The following MCC variants were observed in gnomAD, a reference collection of about 807,000 sequenced individuals.
MCC encodes the protein colorectal mutant cancer protein.
Under a neutral mutation model 116.2 loss-of-function variants are expected in MCC, and 90 were observed. The observed-to-expected ratio is 0.77, with a 90% CI of 0.65 to 0.92. The LOEUF is 0.92. MCC is among the 40% of genes least tolerant of loss of function. The pLI is 0.00. For missense variants in MCC, 1,516 were observed against 1,312.2 expected (o/e 1.16, Z -2.40); for synonymous variants, 578 against 510.5 (o/e 1.13, Z -1.78).
intron 1 of MCC, among the ~76,000 whole-genome samples, chr5:113,422,904 G>T (rs1009818194): frequency 3.3e-5 from 5 of 152,140 alleles, no homozygotes; most frequent in African/African-American, 9.7e-5. Flanking sequence ...AAGGATAAAA[G>T]AATAAAAAAG....
intron 5 of MCC, among the ~76,000 whole-genome samples, chr5:113,129,812 G>C (rs566630774): frequency 2.0e-5 from 3 of 152,216 alleles, no homozygotes; most frequent in Admixed American, 6.5e-5. Context: ...TTAGAATGGC[G>C]ATCATTAAAA....
At chr5:113,292,047 T>C (rs942275891) in intron 3 of MCC, among the ~76,000 whole-genome samples, 34 of 152,228 alleles carry the variant, frequency 2.2e-4, no homozygotes, top group African/African-American at 7.7e-4. Flanking sequence ...CTGGCCAACA[T>C]AGCGAAACCT....
chr5:113,088,627 A>G (rs1360588239), intron 8 of MCC, among the ~76,000 whole-genome samples: 1 of 152,062 alleles, frequency 6.6e-6, no homozygotes, highest in Non-Finnish European at 1.5e-5. Context: ...AGGTCCTGTG[A>G]AGATGAAAGC....
intron 1 of MCC, among the ~76,000 whole-genome samples, chr5:113,455,162 C>T (rs1308461512): frequency 6.6e-6 from 1 of 152,218 alleles, no homozygotes; most frequent in Admixed American, 6.5e-5. Context: ...GCTGATGCCC[C>T]ATTCCTGGTC....
chr5:113,400,222 A>C (rs992766695), intron 1 of MCC, among the ~76,000 whole-genome samples: 2 of 140,976 alleles, frequency 1.4e-5, no homozygotes, highest in African/African-American at 5.5e-5. Flanking sequence ...TCCCGGGTTC[A>C]AGTGATTCTC....
intron 1 of MCC, among the ~76,000 whole-genome samples, chr5:113,456,990 TCA>T (rs1771570937): frequency 1.3e-5 from 2 of 152,184 alleles, no homozygotes; most frequent in African/African-American, 4.8e-5. Context: ...CTGGCAGTCC[TCA>T]CAGCCCTGGC....
intron 3 of MCC, among the ~76,000 whole-genome samples, chr5:113,215,057 C>A (rs1246184541): frequency 6.6e-6 from 1 of 152,172 alleles, no homozygotes; most frequent in East Asian, 1.9e-4. Flanking sequence ...CAATCCTCAT[C>A]TCTCCCACCA....
intron 2 of MCC, among the ~76,000 whole-genome samples, chr5:113,368,767 T>C (rs1768765386): frequency 6.6e-6 from 1 of 152,150 alleles, no homozygotes; most frequent in African/African-American, 2.4e-5. Context: ...TCAATTCAAT[T>C]CTTATACTAT....
intron 1 of MCC, 39 bp from the exon 2 acceptor site, chr5:113,385,251 T>C (rs1172352198): frequency 1.3e-6 from 2 of 1,593,874 alleles, no homozygotes; most frequent in South Asian, 1.1e-5. Context: ...GTGTTATGAG[T>C]GACATTTAAG....
At chr5:113,263,118 G>A (rs563539850) in intron 3 of MCC, among the ~76,000 whole-genome samples, 1 of 152,284 alleles carries the variant, frequency 6.6e-6, no homozygotes, top group Admixed American at 6.5e-5. Flanking sequence ...TATAGAGAGG[G>A]AACGTTCAAG....
chr5:113,405,233 T>G (rs923239347), intron 1 of MCC, among the ~76,000 whole-genome samples: 6 of 152,216 alleles, frequency 3.9e-5, no homozygotes, highest in African/African-American at 1.4e-4. Context: ...TTATTCCAGT[T>G]ATTATCCTGT....
rs533799632 is a variant in MCC at position 113,156,898 on chromosome 5, A to T, written c.628-5476T>A. ...TTGAGTAAAATAATTTCACTGTTCA[A>T]CTGACTCTAAGGACAAGCCCTCTTA... On this transcript the variant is annotated intron_variant, in intron 3 of 18. Transcript: ENST00000408903. Among the ~76,000 whole-genome samples the T allele has an allele frequency of 5.9e-5, 9 of 152,284 alleles. No homozygotes were observed. In the South Asian group the frequency reaches 1.9e-3, roughly 32 times the overall value.
At chr5:113,304,677 G>A (rs1342261798) in intron 3 of MCC, among the ~76,000 whole-genome samples, 2 of 151,922 alleles carry the variant, frequency 1.3e-5, no homozygotes, top group Admixed American at 6.6e-5. Context: ...TTGCTCATTT[G>A]TTCTCCAAAT....
At chr5:113,348,617 A>C (rs535804242) in intron 2 of MCC, among the ~76,000 whole-genome samples, 2 of 152,070 alleles carry the variant, frequency 1.3e-5, no homozygotes, top group East Asian at 3.9e-4. Context: ...AAGTAGAAAA[A>C]CAAATAAACA....
chr5:113,159,626 G>A (rs758670945), intron 3 of MCC, among the ~76,000 whole-genome samples: 2 of 152,164 alleles, frequency 1.3e-5, no homozygotes, highest in Admixed American at 6.5e-5. Context: ...AGAAACATCT[G>A]CACATGAAAA....
chr5:113,144,496 G>A (rs555900762), intron 4 of MCC, among the ~76,000 whole-genome samples: 14 of 152,328 alleles, frequency 9.2e-5, no homozygotes, highest in African/African-American at 3.4e-4. Context: ...TCCAGTGAGA[G>A]TAGGACTTCT....
intron 2 of MCC, among the ~76,000 whole-genome samples, chr5:113,362,978 C>T (rs1768584330): frequency 1.3e-5 from 2 of 151,944 alleles, no homozygotes; most frequent in African/African-American, 2.4e-5. Context: ...CATTCTTGCA[C>T]TGCTATTAAA....
chr5:113,406,881 G>A (rs973164604), intron 1 of MCC, among the ~76,000 whole-genome samples: 3 of 152,154 alleles, frequency 2.0e-5, no homozygotes, highest in Admixed American at 6.5e-5. Context: ...GTGGGAGCAA[G>A]TGCCATCCTT....
intron 2 of MCC, among the ~76,000 whole-genome samples, chr5:113,376,031 T>C (rs1201653901): frequency 6.6e-6 from 1 of 152,186 alleles, no homozygotes; most frequent in Non-Finnish European, 1.5e-5. Context: ...AGTGTTCTGG[T>C]GTTTTCATTT....
Sources: gnomAD v4.1 joint callset for allele counts (sites outside exome capture counted in the v4.1 genomes callset) on GRCh38, gnomAD v4.1.1 for gene constraint, MANE v1.5 for transcripts, NCBI Gene and HGNC (gene_info 2026-07-23, HGNC 2026-07-21) for gene names.